MACROD2: variants seen among roughly 807,000 people sequenced by gnomAD.
MACROD2 encodes the protein ADP-ribose glycohydrolase MACROD2.
In MACROD2, 36 loss-of-function variants were observed where a neutral mutation model predicts 70.4. The ratio of observed to expected loss-of-function variants is 0.51; its 90% CI spans 0.39 to 0.68. The LOEUF (loss-of-function observed/expected upper bound fraction) is 0.68. Among genes scored for constraint, MACROD2 ranks in the 30% least tolerant of loss-of-function variants. The pLI is 0.00. For synonymous variants in MACROD2, 172 were observed against 178.8 expected (o/e 0.96, Z 0.30); for missense variants, 496 against 538.4 (o/e 0.92, Z 0.78).
At chr20:14,916,115 A>G (rs1382816932) in intron 5 of MACROD2, among the ~76,000 whole-genome samples, 1 of 152,166 alleles carries the variant, frequency 6.6e-6, no homozygotes, top group African/African-American at 2.4e-5. Context: ...GAGGCTCCTC[A>G]TCCTATGGTG....
At chr20:14,826,109 A>G (rs1335525794) in intron 5 of MACROD2, among the ~76,000 whole-genome samples, 1 of 152,144 alleles carries the variant, frequency 6.6e-6, no homozygotes, top group Non-Finnish European at 1.5e-5. Context: ...TTTTAAAACC[A>G]GTAAAACACT....
At chr20:15,179,915 A>T (rs2076488671) in intron 5 of MACROD2, among the ~76,000 whole-genome samples, 3 of 152,118 alleles carry the variant, frequency 2.0e-5, no homozygotes, top group Non-Finnish European at 4.4e-5. Flanking sequence ...ATAGGAATTT[A>T]TTTTCTTACA....
intron 5 of MACROD2, among the ~76,000 whole-genome samples, chr20:15,070,337 T>C (rs2075609066): frequency 6.6e-6 from 1 of 152,082 alleles, no homozygotes; most frequent in Non-Finnish European, 1.5e-5. Context: ...TTTGGACTTT[T>C]GAGTTAATGC....
At chr20:14,857,499 T>C (rs2122340187) in intron 5 of MACROD2, among the ~76,000 whole-genome samples, 1 of 152,320 alleles carries the variant, frequency 6.6e-6, no homozygotes, top group African/African-American at 2.4e-5. Context: ...TTAGATAATG[T>C]ATCAAGCAAA....
At chr20:14,702,433 G>A (rs191346451) in intron 5 of MACROD2, among the ~76,000 whole-genome samples, 40 of 151,206 alleles carry the variant, frequency 2.6e-4, no homozygotes, top group Middle Eastern at 3.4e-3. Flanking sequence ...CCAGAAGCAC[G>A]GAAATAGCCA....
intron 8 of MACROD2, among the ~76,000 whole-genome samples, chr20:15,774,157 G>A (rs1214858075): frequency 6.6e-6 from 1 of 152,086 alleles, no homozygotes; most frequent in African/African-American, 2.4e-5. Context: ...GCAACCACTT[G>A]TTTTGAAACT....
intron 3 of MACROD2, among the ~76,000 whole-genome samples, chr20:14,250,142 T>C (rs758655537): frequency 4.2e-5 from 6 of 143,678 alleles, no homozygotes; most frequent in Admixed American, 1.4e-4. Context: ...CAAGACTGAC[T>C]ATACGTAGGT....
chr20:16,012,025 C>G (rs891335321), intron 15 of MACROD2, among the ~76,000 whole-genome samples: 1 of 152,226 alleles, frequency 6.6e-6, no homozygotes, highest in Non-Finnish European at 1.5e-5. Flanking sequence ...GCACCATCAG[C>G]TACTTTCCAG....
intron 5 of MACROD2, among the ~76,000 whole-genome samples, chr20:15,169,947 C>G (rs1360433421): frequency 6.6e-6 from 1 of 152,082 alleles, no homozygotes; most frequent in South Asian, 2.1e-4. Context: ...ACATAATCTT[C>G]TTTGTTGGAA....
chr20:14,313,622 A>G (rs768185018), intron 3 of MACROD2, among the ~76,000 whole-genome samples: 90 of 152,334 alleles, frequency 5.9e-4, no homozygotes, highest in Non-Finnish European at 1.1e-3. Context: ...AGGTAAGACT[A>G]TTGCAGCATA....
At chr20:15,454,073 G>T (rs1222617534) in intron 7 of MACROD2, among the ~76,000 whole-genome samples, 2 of 152,114 alleles carry the variant, frequency 1.3e-5, no homozygotes, top group Non-Finnish European at 2.9e-5. Flanking sequence ...GGTTGGGAAG[G>T]TGTGTCCCTA....
intron 2 of MACROD2, among the ~76,000 whole-genome samples, chr20:14,053,983 A>G (rs924143247): frequency 1.3e-5 from 2 of 152,044 alleles, no homozygotes; most frequent in African/African-American, 4.8e-5. Flanking sequence ...AATACTTGGA[A>G]ATTAAGAGTG....
chr20:15,503,673 A>C (rs954943991), intron 8 of MACROD2, among the ~76,000 whole-genome samples: 1 of 152,122 alleles, frequency 6.6e-6, no homozygotes, highest in Non-Finnish European at 1.5e-5. Flanking sequence ...CTGTTTCATT[A>C]TTATTATCAT....
At chr20:15,615,902 C>T (rs1042974029) in intron 8 of MACROD2, among the ~76,000 whole-genome samples, 2 of 152,052 alleles carry the variant, frequency 1.3e-5, no homozygotes, top group African/African-American at 2.4e-5. Context: ...GTGAAACTCC[C>T]AAGAGAGACT....
chr20:14,119,286 G>T (rs1342686475), intron 3 of MACROD2, among the ~76,000 whole-genome samples: 1 of 146,834 alleles, frequency 6.8e-6, no homozygotes, highest in Non-Finnish European at 1.5e-5. Context: ...TCTTGCCTCA[G>T]CCTCCCAAGT....
intron 3 of MACROD2, among the ~76,000 whole-genome samples, chr20:14,092,522 T>A (rs1387293316): frequency 6.6e-6 from 1 of 152,224 alleles, no homozygotes. Context: ...TAGGTAAACA[T>A]TAATTTTGAT....
chr20:14,595,707 C>T (rs1310539352), intron 4 of MACROD2, among the ~76,000 whole-genome samples: 2 of 152,160 alleles, frequency 1.3e-5, no homozygotes, highest in Non-Finnish European at 2.9e-5. Flanking sequence ...ATGTTACGCA[C>T]TTTTGAAGGT....
rs533081275 is a variant in MACROD2 at position 15,581,743 on chromosome 20, G to A, written c.645+81896G>A. Among the ~76,000 whole-genome samples the A allele has an allele frequency of 6.1e-4, 93 of 152,328 alleles. 1 individual carries two copies. Among genetic ancestry groups the A allele is most frequent in the African/African-American group, 1.3e-3 (54 of 41,576 alleles). On this transcript the variant is annotated intron_variant, in intron 8 of 17. Transcript: ENST00000684519. ...CCTGTGGAGCTGAGATCTGGTCCTT[G>A]AAGAAGGGTGTGCTGGCTGTTGCCA... is the stretch of plus-strand genomic sequence containing the variant.
chr20:14,996,650 G>A (rs577876277), intron 5 of MACROD2, among the ~76,000 whole-genome samples: 17 of 152,300 alleles, frequency 1.1e-4, no homozygotes, highest in Middle Eastern at 3.4e-3. Context: ...TCCCCCAGCA[G>A]CAGTGGGCTG....
Sources: allele counts gnomAD v4.1 joint callset (sites outside exome capture counted in the v4.1 genomes callset), GRCh38; gene constraint gnomAD v4.1.1; transcripts MANE v1.5; gene names NCBI Gene and HGNC (gene_info 2026-07-23, HGNC 2026-07-21).